The following PRIM2 variants were observed in gnomAD, a reference collection of about 807,000 sequenced individuals.
PRIM2 encodes DNA primase large subunit.
In PRIM2, 39 loss-of-function variants were observed where a neutral mutation model predicts 67.3. The observed-to-expected ratio is 0.58, with a 90% CI of 0.45 to 0.76. The LOEUF is 0.76. PRIM2 is among the 30% of genes least tolerant of loss of function. The probability of loss-of-function intolerance (pLI) is 0.00; values close to 1 mark genes in which losing one functional copy is unlikely to be tolerated. For synonymous variants in PRIM2, 143 were observed against 198.7 expected (o/e 0.72, Z 2.36); for missense variants, 398 against 598.7 (o/e 0.66, Z 3.50).
At chr6:57,507,112 T>G (rs1224669885) in intron 7 of PRIM2, among the ~76,000 whole-genome samples, 1 of 151,924 alleles carries the variant, frequency 6.6e-6, no homozygotes, top group Non-Finnish European at 1.5e-5. Context: ...TTTCATGAAC[T>G]CAGGACACTC....
intron 10 of PRIM2, among the ~76,000 whole-genome samples, chr6:57,600,165 A>G (rs1461842593): frequency 2.6e-5 from 4 of 152,126 alleles, no homozygotes; most frequent in Non-Finnish European, 5.9e-5. Flanking sequence ...GTCACTTTTC[A>G]TTATATGCTG....
At chr6:57,414,684 T>C (rs1771201281) in intron 7 of PRIM2, among the ~76,000 whole-genome samples, 1 of 152,140 alleles carries the variant, frequency 6.6e-6, no homozygotes, top group Non-Finnish European at 1.5e-5. Flanking sequence ...TTATCAGAGT[T>C]CTTTGATTGC....
rs1381846332 is a variant in PRIM2, at chr6:57,543,651, T to C, written c.1020+6026T>C. 1.8e-4 allele frequency among the ~76,000 whole-genome samples: 28 copies of C among 152,336 alleles called. No homozygotes were observed. The East Asian group carries it at 5.2e-3, about 28-fold the overall frequency. Reference sequence around the variant, plus strand: ...TATACTGCCTGGAACAAAATATTTCTTTACCCTAACTTCTAATGCAGCTCT... The same window carrying C: ...TATACTGCCTGGAACAAAATATTTCCTTACCCTAACTTCTAATGCAGCTCT... On this transcript the variant is annotated intron_variant, in intron 10 of 13. Transcript: ENST00000615550.
chr6:57,318,683 C>T, intron 2 of PRIM2, 84 bp downstream of exon 2: 2 of 1,086,880 alleles, frequency 1.8e-6, no homozygotes, highest in South Asian at 1.5e-5. Context: ...AATTCATTTC[C>T]TTCATTCAGC....
At chr6:57,559,072 G>A (rs1318606149) in intron 10 of PRIM2, among the ~76,000 whole-genome samples, 3 of 151,646 alleles carry the variant, frequency 2.0e-5, no homozygotes, top group Non-Finnish European at 2.9e-5. Context: ...CAAGGTTACA[G>A]TGAGCCATGA....
the PRIM2 span, among the ~76,000 whole-genome samples, chr6:57,222,873 C>T: frequency 6.6e-6 from 1 of 152,200 alleles, no homozygotes; most frequent in African/African-American, 2.4e-5. Context: ...ACTGGAACAA[C>T]TCCTTTGAAA....
At chr6:57,614,199 G>A (rs1194529142) in intron 12 of PRIM2, among the ~76,000 whole-genome samples, 3 of 152,184 alleles carry the variant, frequency 2.0e-5, no homozygotes, top group Non-Finnish European at 4.4e-5. Context: ...CTGTGCATGC[G>A]AGGGATCTAG....
upstream of PRIM2, among the ~76,000 whole-genome samples, chr6:57,311,892 C>T (rs963659114): frequency 7.2e-4 from 110 of 151,872 alleles, no homozygotes; most frequent in African/African-American, 2.4e-3. Context: ...TCAGGAGTGG[C>T]GGCGCGTGCC....
intron 7 of PRIM2, among the ~76,000 whole-genome samples, chr6:57,411,212 C>T (rs1215543524): frequency 6.6e-6 from 1 of 152,092 alleles, no homozygotes; most frequent in East Asian, 1.9e-4. Context: ...TAAAAGCTCC[C>T]TGAGGCCTCC....
At chr6:57,607,751 C>A (rs1239754954) in intron 12 of PRIM2, among the ~76,000 whole-genome samples, 4,983 of 151,980 alleles carry the variant, frequency 0.033, 263 homozygotes, top group African/African-American at 0.11. Context: ...AAAGGATCAC[C>A]TTTTTGAAAA....
rs1421384605 is a variant in PRIM2, at chr6:57,554,474, C to T, written c.1020+16849C>T. On this transcript the variant is annotated intron_variant, in intron 10 of 13. Coordinates refer to ENST00000615550, the MANE Select transcript of PRIM2 (RefSeq NM_000947.5). The stretch of plus-strand genomic sequence containing the variant: ...GATGAACTAGATTTAGTTTAAGCCT[C>T]TGTTGATAAGAGCTCTAGAATCCTT... Among the ~76,000 whole-genome samples, 100 of 151,068 alleles carry T rather than the reference C, an allele frequency of 6.6e-4. 2 individuals carry two copies. The East Asian group carries it at 0.019, about 28-fold the overall frequency.
chr6:57,604,036 G>A (rs1219590152), intron 11 of PRIM2, among the ~76,000 whole-genome samples: 2 of 152,212 alleles, frequency 1.3e-5, no homozygotes, highest in African/African-American at 4.8e-5. Flanking sequence ...GCTGGTTGTG[G>A]TGGATCATGC....
intron 7 of PRIM2, among the ~76,000 whole-genome samples, chr6:57,435,519 C>T (rs1771982822): frequency 1.3e-5 from 2 of 152,182 alleles, no homozygotes; most frequent in Admixed American, 1.3e-4. Flanking sequence ...GAAACAAATA[C>T]TTAAAAGAAG....
intron 7 of PRIM2, among the ~76,000 whole-genome samples, chr6:57,499,338 A>G (rs1242330620): frequency 2.0e-5 from 3 of 152,176 alleles, no homozygotes; most frequent in Non-Finnish European, 4.4e-5. Flanking sequence ...TTTAGGACAT[A>G]CTTCTTGGCA....
intron 10 of PRIM2, among the ~76,000 whole-genome samples, chr6:57,594,540 A>G (rs1470044020): frequency 1.3e-5 from 2 of 152,230 alleles, no homozygotes; most frequent in African/African-American, 4.8e-5. Flanking sequence ...GTCAAATTTG[A>G]TGAGGATGCT....
intron 8 of PRIM2, among the ~76,000 whole-genome samples, chr6:57,529,226 C>T (rs1394761352): frequency 1.1e-4 from 16 of 151,896 alleles, no homozygotes; most frequent in South Asian, 2.1e-4. Flanking sequence ...AGGAGAATGG[C>T]GTGAACCCGG....
At chr6:57,549,316 T>G (rs1198737863) in intron 10 of PRIM2, among the ~76,000 whole-genome samples, 1 of 152,204 alleles carries the variant, frequency 6.6e-6, no homozygotes, top group African/African-American at 2.4e-5. Flanking sequence ...ATGGAGAGTT[T>G]AATGTGTTTT....
chr6:57,318,502 T>G lies in PRIM2; in HGVS notation c.57T>G (p.Asn19Lys), dbSNP rs933782458. 1 of 1,608,964 alleles carries G rather than the reference T, an allele frequency of 6.2e-7. No homozygotes were observed. Among genetic ancestry groups the G allele is most frequent in the African/African-American group, 1.3e-5 (1 of 75,004 alleles). ...RKLRLAGDQR[N>K]ASYPHCLQFY... is the part of the protein sequence containing the mutation. Reference sequence around the variant, plus strand: ...TGAGGTTGGCAGGTGACCAGAGGAATGCTTCCTACCCTCATTGCCTTCAGT... The same window carrying G: ...TGAGGTTGGCAGGTGACCAGAGGAAGGCTTCCTACCCTCATTGCCTTCAGT... The change falls in exon 2 of 14, where the codon AAT (asparagine) becomes AAG (lysine). Residue 19 changes from asparagine to lysine, a missense_variant. Around this residue, in one of 4 missense-constraint regions of PRIM2, gnomAD observed 96 missense variants for 98.3 expected, o/e 0.98. Transcript: ENST00000615550.
At chr6:57,476,788 C>T (rs1773487592) in intron 7 of PRIM2, among the ~76,000 whole-genome samples, 1 of 152,080 alleles carries the variant, frequency 6.6e-6, no homozygotes, top group Admixed American at 6.6e-5. Context: ...ACTCTTGTTG[C>T]CCAGGCTGGA....
Sources: allele counts gnomAD v4.1 joint callset (sites outside exome capture counted in the v4.1 genomes callset), GRCh38; gene constraint gnomAD v4.1.1; regional missense constraint gnomAD v4.1.1; transcripts MANE v1.5; gene names NCBI Gene and HGNC (gene_info 2026-07-23, HGNC 2026-07-21).